The following ZNF680 variants were observed in gnomAD, a reference collection of about 807,000 sequenced individuals.
ZNF680 encodes zinc finger protein 680.
Under a neutral mutation model 12.1 loss-of-function variants are expected in ZNF680, and 6 were observed. That is an observed-to-expected ratio of 0.49 (90% CI 0.27 to 0.98). ZNF680 has a LOEUF of 0.98. Among genes scored for constraint, ZNF680 ranks in the 50% least tolerant of loss-of-function variants. ZNF680 has a pLI of 0.12. For synonymous variants in ZNF680, 170 were observed against 199.3 expected (o/e 0.85, Z 1.24); for missense variants, 561 against 616.3 (o/e 0.91, Z 0.95).
rs1410161819 is a variant in ZNF680, at chr7:64,544,295, G to C, written c.157+11C>G. On this transcript the variant is annotated intron_variant, in intron 2 of 3. Coordinates refer to ENST00000309683, the MANE Select transcript of ZNF680 (RefSeq NM_178558.5). ...GGCATATTAGGAATTGTGTGTTGAA[G>C]TTATCCTCACCCAGGAAGACCAGGT... The C allele has an allele frequency of 1.9e-6, 3 of 1,599,048 alleles. No individual in the cohort carries two copies. The African/African-American group carries it at 4.0e-5, about 21-fold the overall frequency.
At chr7:64,539,071 C>T (rs1341146057) in intron 3 of ZNF680, among the ~76,000 whole-genome samples, 2 of 136,296 alleles carry the variant, frequency 1.5e-5, no homozygotes, top group Non-Finnish European at 3.0e-5. Flanking sequence ...GCGGAGACTG[C>T]AGTGAGCCAA....
chr7:64,500,859 G>A, the ZNF680 span: 3 of 502,076 alleles, frequency 6.0e-6, no homozygotes, highest in South Asian at 3.6e-5. Flanking sequence ...ACAGATCCTC[G>A]CTCCATGAAC....
At chr7:64,551,917 TC>T (rs1787100862) in intron 1 of ZNF680, 1 of 152,204 alleles carries the variant, frequency 6.6e-6, no homozygotes, top group African/African-American at 2.4e-5. Context: ...ACAGCTACTC[TC>T]AGCATGAGAA....
rs901300075 is a variant in ZNF680 at position 64,520,282 on chromosome 7, G to A, written c.*879C>T. On this transcript the variant is annotated 3_prime_UTR_variant, in exon 4 of 4. Coordinates refer to ENST00000309683, the MANE Select transcript of ZNF680 (RefSeq NM_178558.5). ...CAATAGGAATGAAATAAAGTAATTT[G>A]AGAGTTGAATTTCATCATTATTTAC... 1 of 151,680 alleles carries A rather than the reference G, an allele frequency of 6.6e-6. No homozygotes were observed. The highest frequency in any genetic ancestry group is 1.5e-5 in the Non-Finnish European group (1 of 67,686). 9.4% of individuals were successfully genotyped at this position (151,680 alleles called of 1,614,324 possible). A position where few individuals can be genotyped will look rare whatever the true frequency, so the allele number is the denominator to read the frequency against.
At chr7:64,544,170 C>G in intron 2 of ZNF680, 136 bp downstream of exon 2, 1 of 1,337,468 alleles carries the variant, frequency 7.5e-7, no homozygotes, top group South Asian at 1.4e-5. Flanking sequence ...TCTACATGGA[C>G]AAAGCTCAAA....
intron 2 of ZNF680, 77 bp from the exon 3 acceptor site, chr7:64,543,879 A>G (rs940008884): frequency 2.5e-6 from 3 of 1,185,148 alleles, no homozygotes; most frequent in Non-Finnish European, 3.7e-6. Context: ...CTCAGTAAAG[A>G]GAATGTCATA....
chr7:64,548,587 C>T (rs1786900047), intron 1 of ZNF680, among the ~76,000 whole-genome samples: 1 of 152,124 alleles, frequency 6.6e-6, no homozygotes, highest in Admixed American at 6.5e-5. Flanking sequence ...TTAAGAAACT[C>T]TCATCTGGGT....
At chr7:64,523,641 T>C (rs1791664994) in intron 3 of ZNF680, among the ~76,000 whole-genome samples, 1 of 152,052 alleles carries the variant, frequency 6.6e-6, no homozygotes, top group Admixed American at 6.6e-5. Flanking sequence ...AGGCCGGGCG[T>C]GGTGGCTCAC....
chr7:64,522,617 T>A (rs1791608006), intron 3 of ZNF680, 117 bp from the exon 4 acceptor site: 2 of 785,328 alleles, frequency 2.5e-6, no homozygotes, highest in Admixed American at 4.2e-5. Context: ...AATAAATAAC[T>A]AAAAAATCCT....
intron 3 of ZNF680, among the ~76,000 whole-genome samples, chr7:64,542,040 C>T (rs1786533929): frequency 6.6e-6 from 1 of 152,220 alleles, no homozygotes; most frequent in Admixed American, 6.5e-5. Context: ...ACCTGCCCTA[C>T]TGTCTGCCCT....
chr7:64,561,778 CA>C (rs989904944), intron 1 of ZNF680, among the ~76,000 whole-genome samples: 1 of 149,474 alleles, frequency 6.7e-6, no homozygotes, highest in African/African-American at 2.5e-5. Flanking sequence ...ACTAAAAATA[CA>C]AAAAAATTAG....
chr7:64,528,909 G>A (rs1263154283), intron 3 of ZNF680, among the ~76,000 whole-genome samples: 1 of 152,132 alleles, frequency 6.6e-6, no homozygotes, highest in Non-Finnish European at 1.5e-5. Flanking sequence ...AAGAACACTG[G>A]AAGAGTCCAT....
the ZNF680 span, among the ~76,000 whole-genome samples, chr7:64,508,123 G>GTATATAGATATATATATATATATATATA: frequency 8.5e-6 from 1 of 117,686 alleles, no homozygotes; most frequent in Admixed American, 8.6e-5. Context: ...ATTTTAAAAT[G>GTATATAGATATATATATATATATATATA]TATATATATA....
intron 1 of ZNF680, among the ~76,000 whole-genome samples, chr7:64,557,025 C>T (rs1191275582): frequency 6.6e-6 from 1 of 152,148 alleles, no homozygotes; most frequent in Non-Finnish European, 1.5e-5. Flanking sequence ...CCAAGGCGGG[C>T]GGATCACGAG....
rs187478051 is a variant in ZNF680, at chr7:64,531,504, G to A, written c.254-9004C>T. On this transcript the variant is annotated intron_variant, in intron 3 of 3. Transcript: ENST00000309683. ...CCCAGCTACTCGGGTGGTTGAGGCA[G>A]GAGAATGGCGTGAACTCAGGAGGTG... Among the ~76,000 whole-genome samples the A allele has an allele frequency of 5.1e-3, 769 of 149,956 alleles. 6 individuals carry two copies. Among genetic ancestry groups the A allele is most frequent in the African/African-American group, 0.018 (730 of 40,726 alleles).
chr7:64,545,344 T>A (rs1472480487), intron 1 of ZNF680, among the ~76,000 whole-genome samples: 1 of 150,244 alleles, frequency 6.7e-6, no homozygotes, highest in East Asian at 2.0e-4. Context: ...GCCTTCATCT[T>A]CCAAAGACAT....
intron 3 of ZNF680, among the ~76,000 whole-genome samples, chr7:64,539,376 G>GA (rs1233424872): frequency 1.4e-5 from 1 of 72,054 alleles, no homozygotes; most frequent in African/African-American, 6.0e-5. Context: ...AAAAAAAAAA[G>GA]AAAAGAAAAT....
At chr7:64,514,081 A>G in the ZNF680 span, among the ~76,000 whole-genome samples, 4 of 152,214 alleles carry the variant, frequency 2.6e-5, no homozygotes, top group Admixed American at 1.3e-4. Flanking sequence ...TAAACCTCCA[A>G]CATCTTCAAC....
At position 64,548,058 on chromosome 7, in the gene ZNF680, C is replaced by G. The variant is rs1225252740; in HGVS notation, c.31-3626G>C. ...CAGGGAGTGGACCCTATGTAGAATTCTGCTCTCTATGCCACTGAGGTATTT... is the reference window on the plus strand; with the variant it reads ...CAGGGAGTGGACCCTATGTAGAATTGTGCTCTCTATGCCACTGAGGTATTT... On this transcript the variant is annotated intron_variant, in intron 1 of 3. Transcript: ENST00000309683. Among the ~76,000 whole-genome samples, 4 of 152,166 alleles carry G rather than the reference C, an allele frequency of 2.6e-5. No individual in the cohort carries two copies. In the East Asian group the frequency reaches 7.7e-4, roughly 29 times the overall value.
Sources: allele counts gnomAD v4.1 joint callset (sites outside exome capture counted in the v4.1 genomes callset), GRCh38; gene constraint gnomAD v4.1.1; transcripts MANE v1.5; gene names NCBI Gene and HGNC (gene_info 2026-07-23, HGNC 2026-07-21).